The following CFAP299 variants were observed in gnomAD, a reference collection of about 807,000 sequenced individuals.
CFAP299 encodes the protein cilia and flagella associated protein 299.
A neutral mutation model predicts 27.0 loss-of-function variants in CFAP299; 21 were observed. The observed-to-expected ratio is 0.78, with a 90% confidence interval of 0.55 to 1.12. CFAP299 has a LOEUF of 1.12. Among genes scored for constraint, CFAP299 ranks in the 50% most tolerant of loss-of-function variants. The pLI is 0.00. For missense variants in CFAP299, 310 were observed against 276.6 expected (o/e 1.12, Z -0.86); for synonymous variants, 104 against 98.1 (o/e 1.06, Z -0.36).
At chr4:80,668,170 G>A (rs202098490) in intron 3 of CFAP299, among the ~76,000 whole-genome samples, 2 of 105,906 alleles carry the variant, frequency 1.9e-5, no homozygotes, top group Non-Finnish European at 4.0e-5. Context: ...TTTTTTTTTT[G>A]CTAATTGTTC....
intron 4 of CFAP299, among the ~76,000 whole-genome samples, chr4:80,940,400 A>T (rs1257864256): frequency 6.6e-6 from 1 of 152,180 alleles, no homozygotes; most frequent in African/African-American, 2.4e-5. Flanking sequence ...GGGAGAAATC[A>T]TGGGCCTGCG....
At chr4:80,854,809 TGAAAAAAA>T (rs1239442192) in intron 3 of CFAP299, among the ~76,000 whole-genome samples, 23 of 67,886 alleles carry the variant, frequency 3.4e-4, no homozygotes, top group African/African-American at 1.8e-3. Context: ...GCTGTTGCTA[TGAAAAAAA>T]AAAAAAAAAA....
chr4:80,830,544 A>G (rs747870114), intron 3 of CFAP299, among the ~76,000 whole-genome samples: 1 of 152,028 alleles, frequency 6.6e-6, no homozygotes, highest in Non-Finnish European at 1.5e-5. Context: ...AAGAGACAAG[A>G]TTCTAGGCTT....
chr4:80,386,503 G>C (rs573268767), intron 2 of CFAP299: 2 of 1,447,068 alleles, frequency 1.4e-6, no homozygotes, highest in South Asian at 1.2e-5. Context: ...CTCTTCTCGC[G>C]GGCGGTGGTG....
At position 80,935,332 on chromosome 4, in the gene CFAP299, C is replaced by A. The variant is rs76946221; in HGVS notation, c.477-9478C>A. On this transcript the variant is annotated intron_variant, in intron 4 of 5. Coordinates refer to ENST00000358105, the MANE Select transcript of CFAP299 (RefSeq NM_152770.3). ...AAACTACTCTACAAGGCTACAGTAA[C>A]CAAAACTACATGCTACTGGTACAAA... is the stretch of plus-strand genomic sequence containing the variant. Among the ~76,000 whole-genome samples, 548 of 152,140 alleles carry A rather than the reference C, an allele frequency of 3.6e-3. 2 individuals carry two copies. The highest frequency in any genetic ancestry group is 0.012 in the African/African-American group (514 of 41,512).
chr4:80,394,399 TAC>T (rs1725661867), intron 2 of CFAP299, among the ~76,000 whole-genome samples: 2 of 151,346 alleles, frequency 1.3e-5, no homozygotes, highest in African/African-American at 2.4e-5. Context: ...TCCTTGGCTG[TAC>T]ACAGTTTTTT....
At chr4:80,327,929 G>A in the CFAP299 span, among the ~76,000 whole-genome samples, 7,926 of 151,416 alleles carry the variant, frequency 0.052, 262 homozygotes, top group Middle Eastern at 0.18. Context: ...TATGAGTGCA[G>A]TATGAGTGTG....
rs558166577 is a variant in CFAP299 at position 80,357,532 on chromosome 4, C to T, written c.112-5222C>T. On this transcript the variant is annotated intron_variant, in intron 1 of 5. Coordinates refer to ENST00000358105, the MANE Select transcript of CFAP299 (RefSeq NM_152770.3). The stretch of plus-strand genomic sequence containing the variant: ...TTTCAGAACTCATTATTGGTCTGTT[C>T]AAGGATTCAAGTTCTTCCTGGTTCA... Among the ~76,000 whole-genome samples the T allele has an allele frequency of 2.6e-4, 40 of 152,226 alleles. 1 individual carries two copies. The highest frequency in any genetic ancestry group is 8.9e-4 in the African/African-American group (37 of 41,540).
chr4:80,495,471 CTTAAT>C, intron 2 of CFAP299, among the ~76,000 whole-genome samples: 1 of 152,130 alleles, frequency 6.6e-6, no homozygotes. Context: ...AAATTTTCTA[CTTAAT>C]TTATTTTACA....
At chr4:80,528,247 T>G (rs1733290063) in intron 2 of CFAP299, among the ~76,000 whole-genome samples, 1 of 152,074 alleles carries the variant, frequency 6.6e-6, no homozygotes, top group Non-Finnish European at 1.5e-5. Context: ...CATGAGACCC[T>G]CCTTCCTATA....
At chr4:80,691,155 T>A in intron 3 of CFAP299, among the ~76,000 whole-genome samples, 1 of 75,838 alleles carries the variant, frequency 1.3e-5, no homozygotes, top group East Asian at 3.7e-4. Flanking sequence ...ACTATTCCAA[T>A]CAATAGAAAA....
intron 3 of CFAP299, among the ~76,000 whole-genome samples, chr4:80,685,374 G>A (rs1349480030): frequency 1.3e-5 from 2 of 152,030 alleles, no homozygotes; most frequent in Admixed American, 6.6e-5. Context: ...CAATGCACAG[G>A]GAAATGTGAC....
chr4:80,757,758 A>C (rs148307874), intron 3 of CFAP299, among the ~76,000 whole-genome samples: 1 of 151,316 alleles, frequency 6.6e-6, no homozygotes, highest in Non-Finnish European at 1.5e-5. Context: ...ACGCAGTCTC[A>C]TTTGAACTAA....
intron 2 of CFAP299, among the ~76,000 whole-genome samples, chr4:80,484,542 C>A (rs1730717286): frequency 1.3e-5 from 2 of 152,066 alleles, no homozygotes; most frequent in Admixed American, 6.5e-5. Context: ...TTCTCTGTGA[C>A]TGTAATGCCA....
At chr4:80,860,826 G>T (rs191817168) in intron 3 of CFAP299, among the ~76,000 whole-genome samples, 1,649 of 152,288 alleles carry the variant, frequency 0.011, 26 homozygotes, top group African/African-American at 0.037. Context: ...CTACTGGGGG[G>T]TGCCTCCCAG....
At chr4:80,705,985 GT>G (rs770604726) in intron 3 of CFAP299, among the ~76,000 whole-genome samples, 2 of 151,732 alleles carry the variant, frequency 1.3e-5, no homozygotes, top group Non-Finnish European at 2.9e-5. Context: ...TTTTTGAATT[GT>G]AAAAAATTTC....
At chr4:80,800,541 A>G (rs1284176028) in intron 3 of CFAP299, among the ~76,000 whole-genome samples, 1 of 42,228 alleles carries the variant, frequency 2.4e-5, no homozygotes, top group African/African-American at 1.6e-4. Context: ...TATATAATAT[A>G]TAATATATCA....
intron 2 of CFAP299, among the ~76,000 whole-genome samples, chr4:80,389,553 T>G (rs550937394): frequency 2.3e-4 from 35 of 152,320 alleles, no homozygotes; most frequent in African/African-American, 7.9e-4. Flanking sequence ...ATTAAAAAAT[T>G]GAATATATTT....
chr4:80,476,960 C>CGTGT lies in CFAP299; in HGVS notation c.243-106112_243-106109dup, dbSNP rs34671713. On this transcript the variant is annotated intron_variant, in intron 2 of 5. Coordinates refer to ENST00000358105, the MANE Select transcript of CFAP299 (RefSeq NM_152770.3). The stretch of plus-strand genomic sequence containing the variant: ...GTGTGTGTGCGTGTGTGTGCGCATG[C>CGTGT]GTGTGTGTGTGTGTGTGTGTGTGTC... 7.4e-4 allele frequency among the ~76,000 whole-genome samples: 79 copies of CGTGT among 106,678 alleles called. No individual in the cohort carries two copies. The Middle Eastern group carries it at 0.018, about 24-fold the overall frequency. The allele number at this position is 106,678 out of a possible 152,430, so 70.0% of individuals were successfully genotyped here. A position where few individuals can be genotyped will look rare whatever the true frequency, so the allele number is the denominator to read the frequency against.
Sources: allele counts gnomAD v4.1 joint callset (sites outside exome capture counted in the v4.1 genomes callset), GRCh38; gene constraint gnomAD v4.1.1; transcripts MANE v1.5; gene names NCBI Gene and HGNC (gene_info 2026-07-23, HGNC 2026-07-21).